The following SAMSN1 variants were observed in gnomAD, a reference collection of about 807,000 sequenced individuals.
The protein encoded by SAMSN1 is SAM domain-containing protein SAMSN-1.
In SAMSN1, 31 loss-of-function variants were observed where a neutral mutation model predicts 42.0. The observed-to-expected ratio is 0.74, with a 90% CI of 0.55 to 1.00. The LOEUF (loss-of-function observed/expected upper bound fraction) is 1.00, where lower values mean the gene tolerates loss of function less well. Among genes scored for constraint, SAMSN1 ranks in the 50% least tolerant of loss-of-function variants. SAMSN1 has a pLI of 0.00. For synonymous variants in SAMSN1, 178 were observed against 151.9 expected (o/e 1.17, Z -1.26); for missense variants, 464 against 439.4 (o/e 1.06, Z -0.50).
At chr21:14,619,487 C>T (rs894249785) in intron 2 of SAMSN1, among the ~76,000 whole-genome samples, 13 of 152,270 alleles carry the variant, frequency 8.5e-5, no homozygotes, top group African/African-American at 2.6e-4. Flanking sequence ...TAGTGCTTTA[C>T]CTTAACTAAA....
At chr21:14,558,364 T>C (rs144246618) in intron 2 of SAMSN1, among the ~76,000 whole-genome samples, 6 of 151,984 alleles carry the variant, frequency 3.9e-5, no homozygotes, top group African/African-American at 1.4e-4. Flanking sequence ...GAAACACGCA[T>C]GCTACGAACT....
At chr21:14,602,559 T>C (rs1982464364) in intron 5 of SAMSN1, among the ~76,000 whole-genome samples, 1 of 152,244 alleles carries the variant, frequency 6.6e-6, no homozygotes, top group Non-Finnish European at 1.5e-5. Flanking sequence ...CATGCTTTAG[T>C]GAAAGCTTTG....
chr21:14,577,214 G>C (rs1383165400), intron 2 of SAMSN1, among the ~76,000 whole-genome samples: 2 of 115,518 alleles, frequency 1.7e-5, no homozygotes, highest in Admixed American at 9.6e-5. Flanking sequence ...TGTCACCATG[G>C]TGGGCTAATT....
chr21:14,503,889 A>G (rs1236000184), intron 5 of SAMSN1, among the ~76,000 whole-genome samples: 2 of 152,306 alleles, frequency 1.3e-5, no homozygotes, highest in East Asian at 1.9e-4. Context: ...CCGTGCTGGC[A>G]TCCACAGCTG....
chr21:14,561,587 G>A (rs1307643228), intron 2 of SAMSN1, among the ~76,000 whole-genome samples: 2 of 152,142 alleles, frequency 1.3e-5, no homozygotes, highest in Admixed American at 6.5e-5. Flanking sequence ...CATTTGGATG[G>A]CATGTGTTAT....
At chr21:14,648,802 A>G (rs933125208) in intron 1 of SAMSN1, among the ~76,000 whole-genome samples, 3 of 152,214 alleles carry the variant, frequency 2.0e-5, no homozygotes, top group Non-Finnish European at 2.9e-5. Context: ...AGAAATAGGA[A>G]CACTTTTACA....
exon 2 of SAMSN1, chr21:14,643,052 G>A: frequency 1.4e-6 from 1 of 717,318 alleles, no homozygotes; most frequent in East Asian, 2.7e-5. Flanking sequence ...GGTGGGATAG[G>A]AGAATCAGTT....
In SAMSN1 at chr21:14,495,147, G is replaced by A. The variant is rs116745883; in HGVS notation, c.919+3295C>T. On this transcript the variant is annotated intron_variant, in intron 7 of 7. Transcript: ENST00000400566. ...AAAAGAAAGGCAAACTATTTTTAACGTTTAACGTGACATGCATTTGTTTTT... is the reference window on the plus strand; with the variant it reads ...AAAAGAAAGGCAAACTATTTTTAACATTTAACGTGACATGCATTTGTTTTT... Among the ~76,000 whole-genome samples, 1,007 of 152,186 alleles carry A rather than the reference G, an allele frequency of 6.6e-3. 10 individuals carry two copies. Among genetic ancestry groups the A allele is most frequent in the African/African-American group, 0.023 (948 of 41,518 alleles).
chr21:14,632,250 G>A (rs1983349781), intron 2 of SAMSN1, among the ~76,000 whole-genome samples: 1 of 152,042 alleles, frequency 6.6e-6, no homozygotes, highest in South Asian at 2.1e-4. Flanking sequence ...CCTTCTCGGT[G>A]TAATCCCTGC....
At chr21:14,583,403 T>A, upstream of SAMSN1, 1 of 416,720 alleles carries the variant, frequency 2.4e-6, no homozygotes, top group Non-Finnish European at 4.3e-6. Context: ...CTGAGCTTCC[T>A]CCATTGCTCT....
chr21:14,494,238 C>G (rs546631037), intron 7 of SAMSN1, among the ~76,000 whole-genome samples: 9 of 152,282 alleles, frequency 5.9e-5, no homozygotes, highest in Admixed American at 1.3e-4. Context: ...ATAAATTACT[C>G]TACTATAAAG....
chr21:14,579,383 A>T (rs1981621969), intron 2 of SAMSN1, among the ~76,000 whole-genome samples: 1 of 152,114 alleles, frequency 6.6e-6, no homozygotes, highest in African/African-American at 2.4e-5. Context: ...GAAAAATATG[A>T]CTGTTGTGTA....
chr21:14,594,183 C>T (rs1262319116), intron 6 of SAMSN1: 1 of 600,620 alleles, frequency 1.7e-6, no homozygotes. Flanking sequence ...AAAGGATTCG[C>T]TGTCTTAATT....
Position 14,572,315 on chromosome 21 carries a change from A to G in SAMSN1, c.261+9821T>C, listed in dbSNP as rs575521062. 3.9e-5 allele frequency among the ~76,000 whole-genome samples: 6 copies of G among 152,298 alleles called. No homozygotes were observed. The East Asian group carries it at 1.2e-3, about 29-fold the overall frequency. On this transcript the variant is annotated intron_variant, in intron 2 of 8. Coordinates refer to the SAMSN1 transcript ENST00000285670. Reference sequence around the variant, plus strand: ...TCTTTGTGTTTTCCATTTGGTAGATAAGAAACTGAAACTCTGAGAAACGAA... The same window carrying G: ...TCTTTGTGTTTTCCATTTGGTAGATGAGAAACTGAAACTCTGAGAAACGAA...
intron 1 of SAMSN1, among the ~76,000 whole-genome samples, chr21:14,652,904 C>T (rs1600985823): frequency 6.6e-6 from 1 of 152,060 alleles, no homozygotes; most frequent in African/African-American, 2.4e-5. Context: ...CAAAAGAGGA[C>T]ATACAAATGG....
intron 2 of SAMSN1, among the ~76,000 whole-genome samples, chr21:14,630,469 TAA>T (rs530394287): frequency 6.6e-6 from 1 of 150,740 alleles, no homozygotes; most frequent in African/African-American, 2.4e-5. Context: ...GCCTAGGAAA[TAA>T]AAAAAAGAAC....
At chr21:14,585,453 G>C (rs2123256389), upstream of SAMSN1, 1 of 152,260 alleles carries the variant, frequency 6.6e-6, no homozygotes, top group Non-Finnish European at 1.5e-5. Context: ...TGTGGAGAAA[G>C]GTATTATATA....
At chr21:14,629,445 G>C (rs898395151) in intron 2 of SAMSN1, among the ~76,000 whole-genome samples, 1 of 152,056 alleles carries the variant, frequency 6.6e-6, no homozygotes, top group Non-Finnish European at 1.5e-5. Flanking sequence ...TGGTTCTCAG[G>C]GAAAACAGAT....
At chr21:14,567,174 G>A (rs1459323157) in intron 2 of SAMSN1, among the ~76,000 whole-genome samples, 1 of 151,880 alleles carries the variant, frequency 6.6e-6, no homozygotes, top group Admixed American at 6.6e-5. Flanking sequence ...CTGTACCAGG[G>A]CGGTGTTGTC....
Sources: allele counts gnomAD v4.1 joint callset (sites outside exome capture counted in the v4.1 genomes callset), GRCh38; gene constraint gnomAD v4.1.1; transcripts MANE v1.5; gene names NCBI Gene and HGNC (gene_info 2026-07-23, HGNC 2026-07-21).